Variants in ABCA13 observed in about 807,000 individuals in gnomAD.
ABCA13 encodes ATP-binding cassette sub-family A member 13.
Under a neutral mutation model 478.7 loss-of-function variants are expected in ABCA13, and 476 were observed. That is an observed-to-expected ratio of 0.99 (90% CI 0.92 to 1.07). The LOEUF (loss-of-function observed/expected upper bound fraction) is 1.07, where lower values mean the gene tolerates loss of function less well. Among genes scored for constraint, ABCA13 ranks in the 50% least tolerant of loss-of-function variants. The pLI, the probability that ABCA13 is intolerant of heterozygous loss-of-function variation, is 0.00. For synonymous variants in ABCA13, 2,252 were observed against 2,158.9 expected, an observed-to-expected ratio of 1.04 and a Z score of -1.20; for missense variants, 6,060 against 5,910.6, an observed-to-expected ratio of 1.03 and a Z score of -0.83.
intron 38 of ABCA13, among the ~76,000 whole-genome samples, chr7:48,401,744 A>AACACACGCACACACACACACACAC (rs1817635539): frequency 6.9e-6 from 1 of 143,894 alleles, no homozygotes; most frequent in Admixed American, 7.0e-5. Context: ...AGAATTTTAA[A>AACACACGCACACACACACACACAC]ACACACACAC....
At chr7:48,512,535 T>C (rs932594558) in intron 51 of ABCA13, among the ~76,000 whole-genome samples, 3 of 152,202 alleles carry the variant, frequency 2.0e-5, no homozygotes, top group Non-Finnish European at 2.9e-5. Flanking sequence ...GATTTCAGTT[T>C]ATTGATCCAA....
chr7:48,551,512 T>A (rs1785321542), intron 55 of ABCA13, among the ~76,000 whole-genome samples: 1 of 151,846 alleles, frequency 6.6e-6, no homozygotes, highest in African/African-American at 2.4e-5. Context: ...AGATCTGTCC[T>A]TTTTCTCTTC....
chr7:48,273,246 A>G lies in ABCA13; in HGVS notation c.3580A>G (p.Lys1194Glu), dbSNP rs1219678011. ...ATTGGAAGATGATGTGAAAGTCTCT[A>G]AAAGCTGCCAGGGTATACTTCCCAC... is the stretch of plus-strand genomic sequence containing the variant. ...DELEDDVKVS[K>E]SCQGILPTHN... is the part of the protein sequence containing the mutation. Residue 1194 changes from lysine (K) to glutamate (E), a missense_variant, in exon 17 of 62, where the codon AAA becomes GAA. This residue lies in a region of ABCA13 where 4,423 missense variants were observed against 4,309.1 expected (regional missense o/e 1.03). Coordinates refer to ENST00000435803, the MANE Select transcript of ABCA13 (RefSeq NM_152701.5). 1.2e-6 allele frequency: 2 copies of G among 1,613,728 alleles called. No individual in the cohort carries two copies. The highest frequency in any genetic ancestry group is 3.3e-5 in the Admixed American group (2 of 59,986).
At chr7:48,454,987 T>C in intron 42 of ABCA13, 50 bp from the exon 43 acceptor site, 1 of 1,429,040 alleles carries the variant, frequency 7.0e-7, no homozygotes, top group Non-Finnish European at 9.1e-7. Flanking sequence ...CAAAGCGCTG[T>C]CACCTCCGCA....
chr7:48,332,558 A>G (rs1157455232), intron 27 of ABCA13, among the ~76,000 whole-genome samples: 2 of 152,208 alleles, frequency 1.3e-5, no homozygotes, highest in African/African-American at 2.4e-5. Flanking sequence ...GGAAAACAGT[A>G]TGGTCTGTTG....
chr7:48,436,528 C>T (rs760239267), intron 42 of ABCA13, among the ~76,000 whole-genome samples: 19 of 151,622 alleles, frequency 1.3e-4, no homozygotes, highest in Non-Finnish European at 2.7e-4. Context: ...TTCATCTCTG[C>T]TTTAGTATTT....
At chr7:48,359,564 T>A (rs1447093120) in intron 31 of ABCA13, among the ~76,000 whole-genome samples, 1 of 151,898 alleles carries the variant, frequency 6.6e-6, no homozygotes, top group African/African-American at 2.4e-5. Context: ...TGCCCCCAGC[T>A]ATGTCCTGTC....
At chr7:48,584,043 C>T (rs1396259810) in intron 56 of ABCA13, among the ~76,000 whole-genome samples, 1 of 152,132 alleles carries the variant, frequency 6.6e-6, no homozygotes, top group Admixed American at 6.5e-5. Flanking sequence ...AATAATTTGG[C>T]AAGTTTATTC....
At chr7:48,640,859 A>G (rs1419941431) in intron 59 of ABCA13, among the ~76,000 whole-genome samples, 1 of 152,182 alleles carries the variant, frequency 6.6e-6, no homozygotes, top group Non-Finnish European at 1.5e-5. Context: ...AAGTCTTCTT[A>G]ACTATTAACT....
At chr7:48,556,369 T>C (rs66909576) in intron 55 of ABCA13, among the ~76,000 whole-genome samples, 21,057 of 151,880 alleles carry the variant, frequency 0.14, 1,829 homozygotes, top group African/African-American at 0.23. Context: ...GATTTTCTGT[T>C]TATAATATCT....
chr7:48,203,117 T>C (rs1177501818), intron 3 of ABCA13, among the ~76,000 whole-genome samples: 1 of 152,308 alleles, frequency 6.6e-6, no homozygotes, highest in Non-Finnish European at 1.5e-5. Context: ...CCGGCACTGC[T>C]GGGGAACCCA....
chr7:48,406,505 G>A (rs941896576), intron 39 of ABCA13, among the ~76,000 whole-genome samples: 11 of 152,194 alleles, frequency 7.2e-5, no homozygotes, highest in Non-Finnish European at 1.3e-4. Flanking sequence ...TGTGGGAAGC[G>A]CAGCTTTTGG....
chr7:48,600,393 G>A (rs1790763312), intron 58 of ABCA13, among the ~76,000 whole-genome samples: 1 of 151,660 alleles, frequency 6.6e-6, no homozygotes, highest in South Asian at 2.1e-4. Context: ...TTTGTGGGAG[G>A]TATTTAAACT....
intron 58 of ABCA13, chr7:48,611,867 C>A (rs1792059291): frequency 6.6e-6 from 1 of 152,164 alleles, no homozygotes; most frequent in African/African-American, 2.4e-5. Flanking sequence ...ACCTACAGTG[C>A]ACCCATAAGA....
At chr7:48,642,359 C>T (rs1795155421) in intron 59 of ABCA13, among the ~76,000 whole-genome samples, 1 of 152,184 alleles carries the variant, frequency 6.6e-6, no homozygotes, top group East Asian at 1.9e-4. Context: ...AAGTGTAACA[C>T]ATTTTCCCCC....
At chr7:48,482,353 G>A (rs918203963) in intron 46 of ABCA13, among the ~76,000 whole-genome samples, 1 of 151,826 alleles carries the variant, frequency 6.6e-6, no homozygotes, top group African/African-American at 2.4e-5. Flanking sequence ...ACAAACCAGA[G>A]TGGCTCAAAA....
At chr7:48,531,632 T>C (rs1833237211) in intron 55 of ABCA13, among the ~76,000 whole-genome samples, 1 of 152,116 alleles carries the variant, frequency 6.6e-6, no homozygotes, top group Non-Finnish European at 1.5e-5. Context: ...GAGCATGGGA[T>C]GTGTTTCCAT....
intron 35 of ABCA13, among the ~76,000 whole-genome samples, 189 bp from the exon 36 acceptor site, chr7:48,387,633 G>T (rs1223084313): frequency 6.6e-6 from 1 of 152,276 alleles, no homozygotes; most frequent in South Asian, 2.1e-4. Context: ...GGATCAGGCC[G>T]AGAAGGGAGA....
chr7:48,223,631 G>C lies in ABCA13; in HGVS notation c.468+2322G>C, dbSNP rs114154075. Among the ~76,000 whole-genome samples the C allele has an allele frequency of 7.2e-3, 1,090 of 152,176 alleles. 14 individuals are homozygous for C. Among genetic ancestry groups the C allele is most frequent in the African/African-American group, 0.025 (1,025 of 41,520 alleles). The stretch of plus-strand genomic sequence containing the variant: ...AAGAAAGGCTCTGATGGAATGATGA[G>C]GGTAAAAGCCTGACTGGAGTGGGTT... On this transcript the variant is annotated intron_variant, in intron 5 of 61. Coordinates refer to ENST00000435803, the MANE Select transcript of ABCA13 (RefSeq NM_152701.5).
Sources: gnomAD v4.1 joint callset for allele counts (sites outside exome capture counted in the v4.1 genomes callset) on GRCh38, gnomAD v4.1.1 for gene constraint, gnomAD v4.1.1 regional missense constraint, MANE v1.5 for transcripts, NCBI Gene and HGNC (gene_info 2026-07-23, HGNC 2026-07-21) for gene names.